The following TRPV4 variants were observed in gnomAD, a reference collection of about 807,000 sequenced individuals.
TRPV4 encodes OSM9-like transient receptor potential channel 4.
Under a neutral mutation model 84.1 loss-of-function variants are expected in TRPV4, and 58 were observed. The ratio of observed to expected loss-of-function variants is 0.69; its 90% CI spans 0.56 to 0.86. The LOEUF (loss-of-function observed/expected upper bound fraction) is 0.86. Among genes scored for constraint, TRPV4 ranks in the 40% least tolerant of loss-of-function variants. TRPV4 has a pLI of 0.00. For missense variants in TRPV4, 879 were observed against 1,181.1 expected (o/e 0.74, Z 3.75); for synonymous variants, 489 against 500.9 (o/e 0.98, Z 0.32).
intron 1 of TRPV4, among the ~76,000 whole-genome samples, chr12:109,820,667 AC>A (rs1892066059): frequency 6.6e-6 from 1 of 151,344 alleles, no homozygotes; most frequent in African/African-American, 2.4e-5. Context: ...GACTACAGGC[AC>A]CCGCCACCAC....
chr12:109,788,762 C>T, intron 12 of TRPV4, 46 bp from the exon 13 acceptor site: 1 of 1,603,908 alleles, frequency 6.2e-7, no homozygotes, highest in Non-Finnish European at 8.5e-7. Flanking sequence ...AGCACACCCA[C>T]AGAGAGGTGG....
At chr12:109,830,069 G>A (rs547856010) in intron 1 of TRPV4, among the ~76,000 whole-genome samples, 6 of 152,318 alleles carry the variant, frequency 3.9e-5, no homozygotes, top group South Asian at 2.1e-4. Context: ...ACCTGCCTTG[G>A]CCTCCCAGAG....
intron 12 of TRPV4, among the ~76,000 whole-genome samples, chr12:109,791,950 G>T (rs1890060773): frequency 6.6e-6 from 1 of 151,854 alleles, no homozygotes; most frequent in Non-Finnish European, 1.5e-5. Context: ...GAACTCAGTG[G>T]CCAGGCGCGT....
intron 5 of TRPV4, among the ~76,000 whole-genome samples, chr12:109,799,157 T>C (rs1408792642): frequency 1.5e-4 from 23 of 151,174 alleles, no homozygotes; most frequent in Non-Finnish European, 5.9e-5. Context: ...GGAATTCTTT[T>C]TTTTTTTTTT....
In TRPV4 at chr12:109,798,181, C is replaced by G. The variant is rs1202553072; in HGVS notation, c.1152+433G>C. Among the ~76,000 whole-genome samples the G allele has an allele frequency of 6.6e-6, 1 of 152,202 alleles. No individual in the cohort carries two copies. Among genetic ancestry groups the G allele is most frequent in the African/African-American group, 2.4e-5 (1 of 41,452 alleles). Reference sequence around the variant, plus strand: ...TCTGGCAATAGCACAAGACGGTCCCCACCACAAAGAGCCTGCCGCCCAAAA... The same window carrying G: ...TCTGGCAATAGCACAAGACGGTCCCGACCACAAAGAGCCTGCCGCCCAAAA... On this transcript the variant is annotated intron_variant, in intron 6 of 15. Coordinates refer to ENST00000261740, the MANE Select transcript of TRPV4 (RefSeq NM_021625.5). This position sits in a 1 kb window ranked among gnomAD's most constrained non-coding sequence, Gnocchi z 5.0.
intron 4 of TRPV4, among the ~76,000 whole-genome samples, chr12:109,802,085 C>T (rs1019199636): frequency 4.6e-5 from 7 of 151,810 alleles, no homozygotes; most frequent in Non-Finnish European, 7.4e-5. Context: ...GGCCAGATCC[C>T]GAGTTCATGA....
In TRPV4 at chr12:109,786,631, C is replaced by A. The variant is rs545502019; in HGVS notation, c.2336+79G>T. 48 of 1,578,242 alleles carry A rather than the reference C, an allele frequency of 3.0e-5. No individual in the cohort carries two copies. The highest frequency in any genetic ancestry group is 3.9e-5 in the Non-Finnish European group (45 of 1,159,760). Reference sequence around the variant, plus strand: ...GGCTCCAGAAATTGCAATGGGTAGACGACGCTGGAGCAGCAGGGGCCCCGA... The same window carrying A: ...GGCTCCAGAAATTGCAATGGGTAGAAGACGCTGGAGCAGCAGGGGCCCCGA... On this transcript the variant is annotated intron_variant, in intron 14 of 15. Coordinates refer to ENST00000261740, the MANE Select transcript of TRPV4 (RefSeq NM_021625.5). This position sits in a 1 kb window ranked among gnomAD's most constrained non-coding sequence, Gnocchi z 4.5.
Position 109,786,692 on chromosome 12 carries a change from C to G in TRPV4, c.2336+18G>C, listed in dbSNP as rs779341331. 6.2e-7 allele frequency: 1 copy of G among 1,613,358 alleles called. No homozygotes were observed. The highest frequency in any genetic ancestry group is 8.5e-7 in the Non-Finnish European group (1 of 1,179,988). On this transcript the variant is annotated intron_variant, in intron 14 of 15. Transcript: ENST00000261740. The surrounding 1 kb of genome is among the most constrained non-coding windows in gnomAD (Gnocchi z 4.5). ...ACAGTTCCGCCCTGCCATCCTGGCC[C>G]CACTGCCCCAGCCTCACCTGAAGCA...
Position 109,794,443 on chromosome 12 carries a change from C to A in TRPV4, c.1377G>T (p.Leu459=). Residue 459 remains leucine (L), a synonymous_variant, in exon 8 of 16, where the codon CTG becomes CTT. Coordinates refer to ENST00000261740, the MANE Select transcript of TRPV4 (RefSeq NM_021625.5). The part of the protein sequence containing the change: ...MLAVEPINEL[L]RDKWRKFGAV... Reference sequence around the variant, plus strand: ...CCCCGAACTTGCGCCACTTGTCCCGCAGCAGTTCATTGATGGGCTCCACAG... The same window carrying A: ...CCCCGAACTTGCGCCACTTGTCCCGAAGCAGTTCATTGATGGGCTCCACAG... 6.2e-7 allele frequency: 1 copy of A among 1,614,082 alleles called. No homozygotes were observed. Among genetic ancestry groups the A allele is most frequent in the Non-Finnish European group, 8.5e-7 (1 of 1,180,024 alleles).
chr12:109,820,152 C>A (rs529034625), intron 1 of TRPV4, among the ~76,000 whole-genome samples: 7 of 152,270 alleles, frequency 4.6e-5, no homozygotes, highest in Admixed American at 3.3e-4. Context: ...CCTTTGGGGG[C>A]AGACCTTCTG....
intron 6 of TRPV4, among the ~76,000 whole-genome samples, chr12:109,797,265 C>T (rs1890461788): frequency 6.6e-6 from 1 of 152,110 alleles, no homozygotes; most frequent in South Asian, 2.1e-4. Context: ...AATTCTCCTG[C>T]CTCAGCCTCC....
intron 3 of TRPV4, 121 bp from the exon 4 acceptor site, chr12:109,803,264 C>T: frequency 8.2e-7 from 1 of 1,213,026 alleles, no homozygotes; most frequent in Admixed American, 2.0e-5. Context: ...ATCTCCTCTC[C>T]AAGCCTGTTT....
chr12:109,827,965 T>C (rs1177812980), intron 1 of TRPV4, among the ~76,000 whole-genome samples: 1 of 152,016 alleles, frequency 6.6e-6, no homozygotes, highest in Admixed American at 6.6e-5. Context: ...CAGGGAATGG[T>C]CCCAGAAGGT....
chr12:109,820,380 T>C (rs919956805), intron 1 of TRPV4, among the ~76,000 whole-genome samples: 16 of 148,330 alleles, frequency 1.1e-4, no homozygotes, highest in African/African-American at 2.7e-4. Flanking sequence ...TCTGCTCTCA[T>C]GGCCCCCTGA....
At chr12:109,825,925 C>G (rs959164774) in intron 1 of TRPV4, among the ~76,000 whole-genome samples, 5 of 152,208 alleles carry the variant, frequency 3.3e-5, no homozygotes, top group Non-Finnish European at 7.3e-5. Context: ...GCTGCTGCCT[C>G]AGGGGTTAAC....
chr12:109,783,392 G>A lies in TRPV4; in HGVS notation c.*229C>T, dbSNP rs1221681249. The A allele has an allele frequency of 2.1e-5, 11 of 534,060 alleles. No individual in the cohort carries two copies. The highest frequency in any genetic ancestry group is 9.3e-5 in the East Asian group (3 of 32,328). 33.1% of individuals were successfully genotyped at this position (534,060 alleles called of 1,614,324 possible). On this transcript the variant is annotated 3_prime_UTR_variant, in exon 16 of 16. Transcript: ENST00000261740. This position sits in a 1 kb window ranked among gnomAD's most constrained non-coding sequence, Gnocchi z 4.6. ...GGGCCTGAGGTGGAGGGGCTCTGGC[G>A]TTGGCTTATGTGACTCCATAGGAGC...
chr12:109,830,336 G>C (rs777289187), intron 1 of TRPV4, among the ~76,000 whole-genome samples: 4 of 152,208 alleles, frequency 2.6e-5, no homozygotes, highest in Non-Finnish European at 5.9e-5. Context: ...GAAAAATAGA[G>C]ACAAAAATAG....
At chr12:109,827,781 AACATAC>A (rs1400504720) in intron 1 of TRPV4, among the ~76,000 whole-genome samples, 1 of 151,608 alleles carries the variant, frequency 6.6e-6, no homozygotes, top group Non-Finnish European at 1.5e-5. Context: ...TATATACACA[AACATAC>A]ACATAAACAT....
intron 13 of TRPV4, 38 bp downstream of exon 13, chr12:109,788,362 T>G (rs985200632): frequency 6.3e-7 from 1 of 1,593,674 alleles, no homozygotes. Flanking sequence ...AGGACGAGGG[T>G]GGCTGGTAGA....
Sources: gnomAD v4.1 joint callset for allele counts (sites outside exome capture counted in the v4.1 genomes callset) on GRCh38, gnomAD v4.1.1 for gene constraint, Gnocchi (gnomAD v3.1) non-coding constraint, MANE v1.5 for transcripts, NCBI Gene and HGNC (gene_info 2026-07-23, HGNC 2026-07-21) for gene names.